Variants in MAML3 observed in about 807,000 individuals in gnomAD.
MAML3 encodes the protein mastermind-like protein 3.
MAML3 carries 27 observed loss-of-function variants against 101.9 expected under a neutral mutation model. The ratio of observed to expected loss-of-function variants is 0.27; its 90% CI spans 0.20 to 0.37. MAML3 has a LOEUF of 0.37. Among genes scored for constraint, MAML3 ranks in the 10% least tolerant of loss-of-function variants. The pLI is 1.00. For synonymous variants in MAML3, 501 were observed against 555.9 expected (o/e 0.90, Z 1.39); for missense variants, 1,316 against 1,444.9 (o/e 0.91, Z 1.45).
intron 2 of MAML3, among the ~76,000 whole-genome samples, chr4:139,879,667 A>C (rs1300633594): frequency 1.3e-5 from 2 of 151,618 alleles, no homozygotes; most frequent in Non-Finnish European, 2.9e-5. Context: ...ATTAAAATGC[A>C]CATTCCCAGG....
chr4:140,016,382 C>G (rs987114956), intron 1 of MAML3, among the ~76,000 whole-genome samples: 1 of 152,088 alleles, frequency 6.6e-6, no homozygotes, highest in Admixed American at 6.5e-5. Flanking sequence ...AAGTTTAAAA[C>G]AGTTCTTACC....
At chr4:140,148,514 C>A (rs1353084565) in intron 1 of MAML3, among the ~76,000 whole-genome samples, 1 of 152,192 alleles carries the variant, frequency 6.6e-6, no homozygotes, top group Non-Finnish European at 1.5e-5. Context: ...CAATGGAAAG[C>A]TTTCCGAAAG....
At chr4:139,768,222 T>TTGTGTGTGTGTGTG (rs34182828) in intron 2 of MAML3, among the ~76,000 whole-genome samples, 10 of 136,344 alleles carry the variant, frequency 7.3e-5, no homozygotes, top group South Asian at 2.6e-4. Flanking sequence ...CTGTTGATAG[T>TTGTGTGTGTGTGTG]TGTGTGTGTG....
At chr4:139,905,508 A>AAAAAAAAAAAAAAAAAAG (rs1732808697) in intron 1 of MAML3, among the ~76,000 whole-genome samples, 1 of 150,564 alleles carries the variant, frequency 6.6e-6, no homozygotes, top group Non-Finnish European at 1.5e-5. Flanking sequence ...AAAAAAAAAA[A>AAAAAAAAAAAAAAAAAAG]TCAGTTAAAT....
chr4:139,772,822 G>A (rs1730023130), intron 2 of MAML3, among the ~76,000 whole-genome samples: 1 of 149,686 alleles, frequency 6.7e-6, no homozygotes, highest in Admixed American at 6.7e-5. Flanking sequence ...GCTCACGCCT[G>A]TAATCCCAGC....
At chr4:139,971,699 G>A (rs1734237683) in intron 1 of MAML3, among the ~76,000 whole-genome samples, 1 of 151,902 alleles carries the variant, frequency 6.6e-6, no homozygotes, top group Non-Finnish European at 1.5e-5. Context: ...TCTTTAATCT[G>A]GTCAATACTT....
intron 2 of MAML3, among the ~76,000 whole-genome samples, chr4:139,829,588 T>G (rs552216321): frequency 9.8e-5 from 15 of 152,308 alleles, no homozygotes; most frequent in African/African-American, 3.6e-4. Context: ...ATTAGTGACT[T>G]GTATACTGGC....
At chr4:139,994,114 G>A (rs72933763) in intron 1 of MAML3, among the ~76,000 whole-genome samples, 1 of 152,012 alleles carries the variant, frequency 6.6e-6, no homozygotes, top group Non-Finnish European at 1.5e-5. Flanking sequence ...TATTGTCTTG[G>A]CATCTTTGCT....
chr4:140,008,485 A>G (rs181581594), intron 1 of MAML3, among the ~76,000 whole-genome samples: 42 of 152,352 alleles, frequency 2.8e-4, no homozygotes, highest in Admixed American at 1.6e-3. Flanking sequence ...GTTTATCAGG[A>G]ACACGGTTTA....
intron 1 of MAML3, among the ~76,000 whole-genome samples, chr4:140,126,079 G>C (rs1228794096): frequency 6.6e-6 from 1 of 151,324 alleles, no homozygotes; most frequent in Admixed American, 6.6e-5. Context: ...CCTGGCCAAG[G>C]TACAGGTGTT....
At chr4:140,142,458 C>A (rs879724511) in intron 1 of MAML3, among the ~76,000 whole-genome samples, 1 of 152,188 alleles carries the variant, frequency 6.6e-6, no homozygotes, top group African/African-American at 2.4e-5. Flanking sequence ...AATGAATAGA[C>A]AAAGTCCCTG....
chr4:140,040,172 G>A (rs137868529), intron 1 of MAML3, among the ~76,000 whole-genome samples: 118 of 152,320 alleles, frequency 7.7e-4, no homozygotes, highest in Non-Finnish European at 1.5e-3. Context: ...AAGTGGGAGA[G>A]AGAGCATCTA....
intron 1 of MAML3, among the ~76,000 whole-genome samples, chr4:140,122,151 T>G (rs1176197364): frequency 1.3e-5 from 2 of 151,876 alleles, no homozygotes; most frequent in African/African-American, 4.8e-5. Flanking sequence ...TTTGAGTGAT[T>G]TTTTTTGAAT....
chr4:140,011,639 C>A (rs568962098), intron 1 of MAML3, among the ~76,000 whole-genome samples: 1 of 152,026 alleles, frequency 6.6e-6, no homozygotes, highest in African/African-American at 2.4e-5. Context: ...CCACCGCGCC[C>A]GGCCGTTTTC....
intron 1 of MAML3, among the ~76,000 whole-genome samples, chr4:139,920,395 T>C (rs867813749): frequency 5.9e-5 from 9 of 152,350 alleles, no homozygotes; most frequent in South Asian, 2.1e-4. Context: ...GCAACACTTC[T>C]GTGGATGTGT....
chr4:139,955,902 C>G (rs1331452405), intron 1 of MAML3, among the ~76,000 whole-genome samples: 1 of 152,046 alleles, frequency 6.6e-6, no homozygotes, highest in Non-Finnish European at 1.5e-5. Flanking sequence ...CCCCTGAGTG[C>G]CTAGGTGGAG....
intron 1 of MAML3, among the ~76,000 whole-genome samples, chr4:140,150,667 G>C (rs991177243): frequency 6.6e-6 from 1 of 152,198 alleles, no homozygotes; most frequent in Non-Finnish European, 1.5e-5. Flanking sequence ...AGAGGACGCG[G>C]GGTGGGCAGG....
chr4:139,768,484 T>C (rs955183986), intron 2 of MAML3, among the ~76,000 whole-genome samples: 5 of 152,210 alleles, frequency 3.3e-5, no homozygotes, highest in African/African-American at 1.2e-4. Context: ...GTATTTACTA[T>C]TGCTCAGATT....
intron 1 of MAML3, among the ~76,000 whole-genome samples, chr4:140,048,208 T>A (rs1347129380): frequency 6.6e-6 from 1 of 152,176 alleles, no homozygotes; most frequent in East Asian, 1.9e-4. Flanking sequence ...AAAGGGAAAT[T>A]TCTTGAGGGA....
Sources: allele counts gnomAD v4.1 joint callset (sites outside exome capture counted in the v4.1 genomes callset), GRCh38; gene constraint gnomAD v4.1.1; transcripts MANE v1.5; gene names NCBI Gene and HGNC (gene_info 2026-07-23, HGNC 2026-07-21).